RASAL2: variants seen among roughly 807,000 people sequenced by gnomAD.
The protein encoded by RASAL2 is RAS protein activator like 2, also known as ras GTPase-activating protein nGAP.
Under a neutral mutation model 128.9 loss-of-function variants are expected in RASAL2, and 58 were observed. The ratio of observed to expected loss-of-function variants is 0.45; its 90% CI spans 0.36 to 0.56. The LOEUF is 0.56. Among genes scored for constraint, RASAL2 ranks in the 20% least tolerant of loss-of-function variants. The probability of loss-of-function intolerance (pLI) is 0.00; values close to 1 mark genes in which losing one functional copy is unlikely to be tolerated. For synonymous variants in RASAL2, 561 were observed against 580.8 expected, an observed-to-expected ratio of 0.97 and a Z score of 0.49; for missense variants, 1,360 against 1,601.6, an observed-to-expected ratio of 0.85 and a Z score of 2.57.
In RASAL2 at chr1:178,417,608, A is replaced by G. The variant is rs1013016235; in HGVS notation, c.565-2903A>G. On this transcript the variant is annotated intron_variant, in intron 4 of 17. Coordinates refer to ENST00000367649, the MANE Select transcript of RASAL2 (RefSeq NM_170692.4). ...AAAACACCATCTCTACCAAAAATAC[A>G]AAATTAGCCAGGTGTGTAATTCCAA... Among the ~76,000 whole-genome samples, 6 of 151,986 alleles carry G rather than the reference A, an allele frequency of 3.9e-5. No individual in the cohort carries two copies. The East Asian group carries it at 7.7e-4, about 20-fold the overall frequency.
intron 9 of RASAL2, among the ~76,000 whole-genome samples, chr1:178,449,297 C>T (rs1426089989): frequency 6.6e-6 from 1 of 152,056 alleles, no homozygotes; most frequent in Non-Finnish European, 1.5e-5. Flanking sequence ...CAGATTGCAC[C>T]TTGGTATCCT....
At position 178,473,546 on chromosome 1, in the gene RASAL2, T is replaced by G. The variant is rs577046743; in HGVS notation, c.*307T>G. 1 of 363,314 alleles carries G rather than the reference T, an allele frequency of 2.8e-6. No homozygotes were observed. The highest frequency in any genetic ancestry group is 6.5e-5 in the East Asian group (1 of 15,496). The allele number at this position is 363,314 out of a possible 1,614,324, so 22.5% of individuals were successfully genotyped here. On this transcript the variant is annotated 3_prime_UTR_variant, in exon 18 of 18. Transcript: ENST00000367649. Reference sequence around the variant, plus strand: ...TTACCTTTTTGATTATTGCTATTTTTATTATTGTTTTCCTCTTGTTGAAAG... The same window carrying G: ...TTACCTTTTTGATTATTGCTATTTTGATTATTGTTTTCCTCTTGTTGAAAG...
chr1:178,302,631 G>A (rs1354867079), intron 3 of RASAL2, among the ~76,000 whole-genome samples: 9 of 152,106 alleles, frequency 5.9e-5, no homozygotes, highest in African/African-American at 1.7e-4. Flanking sequence ...CCACATACAC[G>A]TATACAAATT....
At chr1:178,349,258 TAAA>T (rs1163062770) in intron 3 of RASAL2, among the ~76,000 whole-genome samples, 1 of 110,794 alleles carries the variant, frequency 9.0e-6, no homozygotes, top group Admixed American at 9.5e-5. Context: ...GTCTCTACTT[TAAA>T]AAAAAAAAAA....
intron 12 of RASAL2, 66 bp from the exon 13 acceptor site, chr1:178,456,654 CA>C: frequency 1.9e-6 from 3 of 1,571,052 alleles, no homozygotes; most frequent in Non-Finnish European, 2.6e-6. Context: ...ATCGTTGTGC[CA>C]AAAACAATCT....
chr1:178,096,684 A>G (rs997898431), intron 1 of RASAL2, among the ~76,000 whole-genome samples: 1 of 152,012 alleles, frequency 6.6e-6, no homozygotes, highest in Admixed American at 6.5e-5. Flanking sequence ...ACACATATAC[A>G]TACCATGCCT....
At chr1:178,408,537 G>C (rs16852787) in intron 4 of RASAL2, among the ~76,000 whole-genome samples, 10,130 of 151,408 alleles carry the variant, frequency 0.067, 1,105 homozygotes, top group African/African-American at 0.23. Context: ...GCAAATTCTT[G>C]TAAGTCAAAT....
intron 1 of RASAL2, among the ~76,000 whole-genome samples, chr1:178,265,842 A>G (rs1665922743): frequency 6.6e-6 from 1 of 152,224 alleles, no homozygotes; most frequent in East Asian, 1.9e-4. Context: ...AGGTTTACCC[A>G]ATTTTGATGT....
At chr1:178,459,426 A>C (rs187639054) in intron 14 of RASAL2, among the ~76,000 whole-genome samples, 167 of 152,216 alleles carry the variant, frequency 1.1e-3, no homozygotes, top group Admixed American at 1.6e-3. Context: ...GCATTGTATT[A>C]GTTGAATTTT....
At chr1:178,176,514 C>T (rs189997403) in intron 1 of RASAL2, among the ~76,000 whole-genome samples, 40 of 152,112 alleles carry the variant, frequency 2.6e-4, no homozygotes, top group Admixed American at 1.2e-3. Flanking sequence ...TCTCTTTCAC[C>T]GAGCTTAGAC....
At chr1:178,385,730 A>G (rs1672528418) in intron 3 of RASAL2, among the ~76,000 whole-genome samples, 1 of 152,066 alleles carries the variant, frequency 6.6e-6, no homozygotes, top group Non-Finnish European at 1.5e-5. Context: ...TGTCTGCCCC[A>G]GTTCCTCTCA....
intron 1 of RASAL2, among the ~76,000 whole-genome samples, chr1:178,266,084 G>C (rs943168402): frequency 3.9e-5 from 6 of 152,056 alleles, no homozygotes; most frequent in Admixed American, 3.3e-4. Flanking sequence ...CATGTCTTTT[G>C]ACTAAAACAT....
chr1:178,094,845 A>C, intron 1 of RASAL2, 151 bp downstream of exon 1: 1 of 956,906 alleles, frequency 1.0e-6, no homozygotes, highest in South Asian at 1.7e-5. Context: ...ATTTCTGACA[A>C]GTTTCTTCAG....
chr1:178,216,176 A>T (rs1332246450), intron 1 of RASAL2, among the ~76,000 whole-genome samples: 1 of 152,224 alleles, frequency 6.6e-6, no homozygotes. Flanking sequence ...ACATCTCATC[A>T]TCAAACTCAT....
chr1:178,395,728 C>A (rs1018383615), intron 4 of RASAL2, among the ~76,000 whole-genome samples: 1 of 149,096 alleles, frequency 6.7e-6, no homozygotes, highest in Non-Finnish European at 1.5e-5. Flanking sequence ...GAGTTAAAAT[C>A]CATAATAGGA....
intron 1 of RASAL2, among the ~76,000 whole-genome samples, chr1:178,195,841 G>T (rs898907415): frequency 6.6e-6 from 1 of 152,088 alleles, no homozygotes. Context: ...TGAATCTGCT[G>T]TCTCAAGGCT....
At chr1:178,377,418 GAAAAC>G (rs60113636) in intron 3 of RASAL2, among the ~76,000 whole-genome samples, 16,322 of 152,022 alleles carry the variant, frequency 0.11, 906 homozygotes, top group African/African-American at 0.13. Context: ...AGAGGAAAAA[GAAAAC>G]AAAACAAAAC....
chr1:178,129,762 G>A (rs1660034323), intron 1 of RASAL2, among the ~76,000 whole-genome samples: 1 of 151,934 alleles, frequency 6.6e-6, no homozygotes, highest in South Asian at 2.1e-4. Context: ...ATGATTATGA[G>A]GTAAGAGCCC....
At chr1:178,187,247 A>G (rs892082325) in intron 1 of RASAL2, among the ~76,000 whole-genome samples, 2 of 151,600 alleles carry the variant, frequency 1.3e-5, no homozygotes, top group Non-Finnish European at 2.9e-5. Flanking sequence ...TCTGTTTTTC[A>G]ATTGGTGTAT....
Sources: gnomAD v4.1 joint callset for allele counts (sites outside exome capture counted in the v4.1 genomes callset) on GRCh38, gnomAD v4.1.1 for gene constraint, MANE v1.5 for transcripts, NCBI Gene and HGNC (gene_info 2026-07-23, HGNC 2026-07-21) for gene names.